The following BIRC6 variants were observed in gnomAD, a reference collection of about 807,000 sequenced individuals.
BIRC6 encodes the protein baculoviral IAP repeat containing 6.
A neutral mutation model predicts 503.3 loss-of-function variants in BIRC6; 98 were observed. The observed-to-expected ratio is 0.19, with a 90% confidence interval of 0.17 to 0.23. The LOEUF is 0.23. Among genes scored for constraint, BIRC6 ranks in the 10% least tolerant of loss-of-function variants. The pLI is 1.00. For synonymous variants in BIRC6, 2,240 were observed against 2,078.7 expected, an observed-to-expected ratio of 1.08 and a Z score of -2.11; for missense variants, 5,360 against 5,806.0, an observed-to-expected ratio of 0.92 and a Z score of 2.50.
At chr2:32,517,372 G>A (rs867957309) in intron 55 of BIRC6, among the ~76,000 whole-genome samples, 15 of 152,072 alleles carry the variant, frequency 9.9e-5, no homozygotes, top group African/African-American at 3.6e-4. Context: ...AGAGGAAGAA[G>A]AGAAAGATAT....
intron 66 of BIRC6, among the ~76,000 whole-genome samples, chr2:32,585,526 C>T (rs576785007): frequency 9.2e-5 from 14 of 152,070 alleles, no homozygotes; most frequent in East Asian, 7.7e-4. Context: ...ACTACAGGCG[C>T]GTGCCACCAC....
At chr2:32,423,550 A>G (rs948759399) in intron 10 of BIRC6, among the ~76,000 whole-genome samples, 2 of 151,982 alleles carry the variant, frequency 1.3e-5, no homozygotes, top group African/African-American at 2.4e-5. Context: ...GGAATCATGT[A>G]TTTGTCCTTT....
rs1477899104 is a variant in BIRC6, at chr2:32,599,809, A to C, written c.13901A>C (p.Gln4634Pro). The C allele has an allele frequency of 1.2e-6, 2 of 1,613,774 alleles. No individual in the cohort carries two copies. The highest frequency in any genetic ancestry group is 3.3e-5 in the Admixed American group (2 of 60,000). ...TTTGAGTTTGATGTGTATTTTCCTCAAGATTATCCCAGTTCACCCCCTCTT... is the reference window on the plus strand; with the variant it reads ...TTTGAGTTTGATGTGTATTTTCCTCCAGATTATCCCAGTTCACCCCCTCTT... ...GCFEFDVYFPQDYPSSPPLVN... is the reference protein window; with the variant it reads ...GCFEFDVYFPPDYPSSPPLVN... Residue 4634 changes from glutamine to proline, a missense_variant, in exon 70 of 74, where the codon CAA becomes CCA. This residue lies in a region of BIRC6 where 66 missense variants were observed against 113.2 expected (regional missense o/e 0.58). Coordinates refer to ENST00000421745, the MANE Select transcript of BIRC6 (RefSeq NM_016252.4).
Position 32,515,051 on chromosome 2 carries a change from A to G in BIRC6, c.10630A>G (p.Ser3544Gly). 2 of 1,613,958 alleles carry G rather than the reference A, an allele frequency of 1.2e-6. No homozygotes were observed. The highest frequency in any genetic ancestry group is 2.2e-5 in the South Asian group (2 of 91,084). Reference sequence around the variant, plus strand: ...TATGGTTTTGAAGAAAGCTGTTGACAGTCTACTTTGCTCAATGTGTCACGT... The same window carrying G: ...TATGGTTTTGAAGAAAGCTGTTGACGGTCTACTTTGCTCAATGTGTCACGT... Reference protein sequence around the residue: ...CNMVLKKAVDSLLCSMCHVHP... With the variant: ...CNMVLKKAVDGLLCSMCHVHP... Residue 3544 changes from serine to glycine, a missense_variant, in exon 55 of 74, where the codon AGT becomes GGT. This residue lies in a region of BIRC6 where 878 missense variants were observed against 928.9 expected (regional missense o/e 0.95). Coordinates refer to ENST00000421745, the MANE Select transcript of BIRC6 (RefSeq NM_016252.4).
Position 32,362,791 on chromosome 2 carries a change from A to AT in BIRC6, c.325+5318dup, listed in dbSNP as rs558118361. On this transcript the variant is annotated intron_variant, in intron 1 of 73. Coordinates refer to ENST00000421745, the MANE Select transcript of BIRC6 (RefSeq NM_016252.4). ...GGGTTAAGATCCCAGTGTCTTAAAA[A>AT]TTTTTTTTTTTTTAAATTCATCCCA... Among the ~76,000 whole-genome samples the AT allele has an allele frequency of 4.2e-3, 618 of 147,960 alleles. 6 individuals are homozygous for AT. The highest frequency in any genetic ancestry group is 9.6e-3 in the Admixed American group (142 of 14,778).
At chr2:32,525,761 C>T (rs767108620) in intron 59 of BIRC6, 133 bp downstream of exon 59, 3 of 802,798 alleles carry the variant, frequency 3.7e-6, no homozygotes, top group Non-Finnish European at 5.8e-6. Context: ...AGACTTCTTC[C>T]ATACAGTTCC....
At chr2:32,616,765 A>G (rs1414375655) in intron 73 of BIRC6, among the ~76,000 whole-genome samples, 4 of 152,156 alleles carry the variant, frequency 2.6e-5, no homozygotes, top group Non-Finnish European at 4.4e-5. Context: ...ACGTTTAGCC[A>G]GAGTCAGCAT....
intron 72 of BIRC6, among the ~76,000 whole-genome samples, chr2:32,608,659 C>T (rs2062640529): frequency 6.6e-6 from 1 of 152,092 alleles, no homozygotes; most frequent in Non-Finnish European, 1.5e-5. Flanking sequence ...TCAGGTGATC[C>T]ACCTGCCTTG....
chr2:32,480,620 G>GT (rs2050278474), intron 37 of BIRC6, among the ~76,000 whole-genome samples: 1 of 80,874 alleles, frequency 1.2e-5, no homozygotes, highest in Non-Finnish European at 2.4e-5. Flanking sequence ...AAGGTAAATG[G>GT]CTTTTTTTTT....
intron 66 of BIRC6, among the ~76,000 whole-genome samples, chr2:32,582,517 A>G (rs1350411881): frequency 6.6e-6 from 1 of 152,172 alleles, no homozygotes; most frequent in East Asian, 1.9e-4. Flanking sequence ...TAATCCCAGC[A>G]CTTTGAGAGG....
At chr2:32,496,144 T>G (rs943797375) in intron 45 of BIRC6, among the ~76,000 whole-genome samples, 6 of 152,136 alleles carry the variant, frequency 3.9e-5, no homozygotes, top group Non-Finnish European at 8.8e-5. Context: ...GTAGACCATT[T>G]TTTGAAAATA....
At chr2:32,369,634 G>C in intron 1 of BIRC6, among the ~76,000 whole-genome samples, 1 of 151,562 alleles carries the variant, frequency 6.6e-6, no homozygotes, top group East Asian at 1.9e-4. Flanking sequence ...CACCTTATTG[G>C]CCAGGCTGGT....
intron 45 of BIRC6, among the ~76,000 whole-genome samples, chr2:32,495,861 G>A (rs531583431): frequency 1.2e-4 from 16 of 137,660 alleles, no homozygotes; most frequent in African/African-American, 3.8e-4. Flanking sequence ...TTTTTGAGAC[G>A]GAGTCTCTCT....
At chr2:32,479,675 TAAAG>T (rs1358173769) in intron 37 of BIRC6, 58 bp downstream of exon 37, 66 of 1,371,532 alleles carry the variant, frequency 4.8e-5, no homozygotes, top group Non-Finnish European at 6.4e-5. Context: ...TGTTTCAAAA[TAAAG>T]AATGTTAGAG....
chr2:32,449,443 T>C (rs564411962), intron 22 of BIRC6, among the ~76,000 whole-genome samples: 1 of 152,352 alleles, frequency 6.6e-6, no homozygotes, highest in South Asian at 2.1e-4. Context: ...GTTTTTCGGA[T>C]GTATGCATGA....
chr2:32,434,778 T>G (rs1176485865), intron 13 of BIRC6, among the ~76,000 whole-genome samples: 1 of 152,122 alleles, frequency 6.6e-6, no homozygotes, highest in Non-Finnish European at 1.5e-5. Flanking sequence ...GAGGATCACT[T>G]GAGCCCAGGA....
chr2:32,446,551 G>C (rs914274786), intron 21 of BIRC6, among the ~76,000 whole-genome samples: 1 of 152,054 alleles, frequency 6.6e-6, no homozygotes. Context: ...ATTCACGGGA[G>C]AGAATGGTGC....
chr2:32,466,024 G>GT (rs1304318936), intron 26 of BIRC6, among the ~76,000 whole-genome samples: 1 of 151,362 alleles, frequency 6.6e-6, no homozygotes, highest in African/African-American at 2.5e-5. Context: ...ACTGTAGTTT[G>GT]TTTTTTTATA....
chr2:32,379,977 T>C (rs188125788), intron 2 of BIRC6, among the ~76,000 whole-genome samples, 176 bp from the exon 3 acceptor site: 11 of 152,340 alleles, frequency 7.2e-5, no homozygotes, highest in Non-Finnish European at 1.5e-5. Context: ...CATTTAATTT[T>C]ATAATAGCCC....
Sources: gnomAD v4.1 joint callset for allele counts (sites outside exome capture counted in the v4.1 genomes callset) on GRCh38, gnomAD v4.1.1 for gene constraint, gnomAD v4.1.1 regional missense constraint, MANE v1.5 for transcripts, NCBI Gene and HGNC (gene_info 2026-07-23, HGNC 2026-07-21) for gene names.